The following ATP8B1 variants were observed in gnomAD, a reference collection of about 807,000 sequenced individuals.
ATP8B1 encodes the protein ATPase phospholipid transporting 8B1, also known as phospholipid-transporting ATPase IC.
In ATP8B1, 80 loss-of-function variants were observed where a neutral mutation model predicts 149.9. The observed-to-expected ratio is 0.53, with a 90% CI of 0.45 to 0.64. The LOEUF (loss-of-function observed/expected upper bound fraction) is 0.64. ATP8B1 is among the 30% of genes least tolerant of loss of function. The pLI is 0.00. For missense variants in ATP8B1, 1,247 were observed against 1,552.6 expected, an observed-to-expected ratio of 0.80 and a Z score of 3.31; for synonymous variants, 536 against 562.8, an observed-to-expected ratio of 0.95 and a Z score of 0.67.
At chr18:57,655,556 C>T (rs1246215331) in intron 22 of ATP8B1, 139 bp from the exon 23 acceptor site, 1 of 787,368 alleles carries the variant, frequency 1.3e-6, no homozygotes, top group African/African-American at 1.7e-5. Context: ...TCTTGCTCAC[C>T]ATCCCTCACC....
chr18:57,706,311 C>T (rs1913389930), intron 3 of ATP8B1, among the ~76,000 whole-genome samples, 179 bp downstream of exon 3: 1 of 152,152 alleles, frequency 6.6e-6, no homozygotes, highest in African/African-American at 2.4e-5. Flanking sequence ...AAGTCACCCG[C>T]TACCCACCCC....
At chr18:57,717,547 C>CAAAA (rs1163024544) in intron 2 of ATP8B1, among the ~76,000 whole-genome samples, 6 of 19,928 alleles carry the variant, frequency 3.0e-4, no homozygotes, top group African/African-American at 1.0e-3. Flanking sequence ...GACTCTGTCT[C>CAAAA]AAAAAAAAAA....
In ATP8B1 at chr18:57,671,528, A is replaced by G. The variant is rs757661687; in HGVS notation, c.1872T>C (p.Val624=). The change falls in exon 17 of 28, where the codon GTT becomes GTC. Residue 624 remains valine (V), a synonymous_variant. Transcript: ENST00000648908. ...IKLYCKGADT[V]IYERLHRMNP... ...TCATTCGATGTAACCGTTCATAAATAACAGTGTCAGCACCTTTACAGTAAA... is the reference window on the plus strand; with the variant it reads ...TCATTCGATGTAACCGTTCATAAATGACAGTGTCAGCACCTTTACAGTAAA... The G allele has an allele frequency of 5.6e-6, 9 of 1,614,188 alleles. No individual in the cohort carries two copies. In the South Asian group the frequency reaches 9.9e-5, roughly 18 times the overall value.
At chr18:57,780,055 A>G (rs2080344326) in intron 1 of ATP8B1, among the ~76,000 whole-genome samples, 1 of 152,244 alleles carries the variant, frequency 6.6e-6, no homozygotes, top group Non-Finnish European at 1.5e-5. Flanking sequence ...ACTGGCCTTG[A>G]AGCCCACATT....
At chr18:57,769,879 C>A (rs2080249965) in intron 1 of ATP8B1, among the ~76,000 whole-genome samples, 1 of 152,156 alleles carries the variant, frequency 6.6e-6, no homozygotes, top group Non-Finnish European at 1.5e-5. Flanking sequence ...ACATTTAACA[C>A]ACACAAATGC....
chr18:57,750,353 C>T (rs566798791), intron 1 of ATP8B1, among the ~76,000 whole-genome samples: 1 of 152,340 alleles, frequency 6.6e-6, no homozygotes, highest in Non-Finnish European at 1.5e-5. Context: ...ACTGAAAAGC[C>T]TTTAAATGTC....
intron 12 of ATP8B1, chr18:57,688,731 T>C (rs1447294916): frequency 7.2e-6 from 4 of 552,784 alleles, no homozygotes; most frequent in African/African-American, 1.9e-5. Context: ...TCCACCCTTA[T>C]GAATGGGATT....
chr18:57,691,482 C>T (rs72944199), intron 12 of ATP8B1, among the ~76,000 whole-genome samples: 32,676 of 152,122 alleles, frequency 0.21, 4,427 homozygotes, highest in East Asian at 0.39. Flanking sequence ...TCCCCTCCTC[C>T]CAGTCCCTTT....
rs371328586 is a variant in ATP8B1 at position 57,706,530 on chromosome 18, A to G, written c.239T>C (p.Met80Thr). The G allele has an allele frequency of 2.5e-6, 4 of 1,614,018 alleles. No homozygotes were observed. The highest frequency in any genetic ancestry group is 1.6e-4 in the Middle Eastern group (1 of 6,084). The change falls in exon 3 of 28, where the codon ATG becomes ACG. Residue 80 changes from methionine to threonine, a missense_variant. Transcript: ENST00000648908. ...DRKYHEQPHF[M>T]NTKFLCIKES... ...CTTAATACACAAGAATTTTGTGTTC[A>G]TAAAGTGAGGTTGTTCGTGGTACTT...
At chr18:57,771,399 T>C (rs1344516824) in intron 1 of ATP8B1, among the ~76,000 whole-genome samples, 1 of 152,182 alleles carries the variant, frequency 6.6e-6, no homozygotes, top group Non-Finnish European at 1.5e-5. Flanking sequence ...CATCTCCTAT[T>C]GTTAGGCAAT....
intron 2 of ATP8B1, among the ~76,000 whole-genome samples, chr18:57,715,965 T>A (rs1453986980): frequency 6.6e-6 from 1 of 152,184 alleles, no homozygotes; most frequent in Non-Finnish European, 1.5e-5. Flanking sequence ...GACTGTGACA[T>A]GTAAACTACT....
chr18:57,682,221 G>A (rs1478687543), intron 15 of ATP8B1, among the ~76,000 whole-genome samples: 4 of 152,128 alleles, frequency 2.6e-5, no homozygotes, highest in African/African-American at 7.2e-5. Flanking sequence ...GGCCAGGCTG[G>A]TTTTGAACTC....
chr18:57,787,529 G>A (rs62092652), intron 1 of ATP8B1, among the ~76,000 whole-genome samples: 47,504 of 148,460 alleles, frequency 0.32, 10,787 homozygotes, highest in African/African-American at 0.64. Context: ...CTCCATCTAG[G>A]ACACTGTGGG....
At chr18:57,726,598 G>A (rs1267120246) in intron 2 of ATP8B1, among the ~76,000 whole-genome samples, 3 of 152,204 alleles carry the variant, frequency 2.0e-5, no homozygotes, top group Admixed American at 6.6e-5. Context: ...GCAAAGGAGA[G>A]TGTCTTCCTA....
chr18:57,683,613 A>G (rs534054556), intron 15 of ATP8B1, among the ~76,000 whole-genome samples: 1 of 152,358 alleles, frequency 6.6e-6, no homozygotes, highest in East Asian at 1.9e-4. Context: ...AGTAAATAAG[A>G]GCATATATCT....
At chr18:57,710,436 G>A (rs987815500) in intron 2 of ATP8B1, among the ~76,000 whole-genome samples, 5 of 152,146 alleles carry the variant, frequency 3.3e-5, no homozygotes, top group African/African-American at 1.2e-4. Context: ...CCATCTGGAA[G>A]AGCAGATGAG....
At chr18:57,766,578 G>A (rs2080213391) in intron 1 of ATP8B1, among the ~76,000 whole-genome samples, 1 of 152,172 alleles carries the variant, frequency 6.6e-6, no homozygotes, top group Non-Finnish European at 1.5e-5. Context: ...TAGCACATAT[G>A]AAAATCCTCT....
intron 1 of ATP8B1, chr18:57,735,520 CTTGGAAGTGGCCTGCCGCCATT>C (rs1300709928): frequency 6.6e-6 from 1 of 152,608 alleles, no homozygotes; most frequent in African/African-American, 2.4e-5. Flanking sequence ...TTGCCACCAT[CTTGGAAGTGGCCTGCCGCCATT>C]TTGGAAGTGG....
At chr18:57,675,738 C>A (rs1911545856) in intron 15 of ATP8B1, among the ~76,000 whole-genome samples, 1 of 152,118 alleles carries the variant, frequency 6.6e-6, no homozygotes, top group Non-Finnish European at 1.5e-5. Flanking sequence ...CAGGGTCTCA[C>A]CGTGTTGCCC....
Sources: gnomAD v4.1 joint callset for allele counts (sites outside exome capture counted in the v4.1 genomes callset) on GRCh38, gnomAD v4.1.1 for gene constraint, MANE v1.5 for transcripts, NCBI Gene and HGNC (gene_info 2026-07-23, HGNC 2026-07-21) for gene names.